BRD7: variants seen among roughly 807,000 people sequenced by gnomAD.
The protein encoded by BRD7 is bromodomain-containing protein 7.
A neutral mutation model predicts 82.1 loss-of-function variants in BRD7; 15 were observed. The ratio of observed to expected loss-of-function variants is 0.18; its 90% CI spans 0.12 to 0.28. BRD7 has a LOEUF of 0.28. BRD7 is among the 10% of genes least tolerant of loss of function. The pLI, the probability that BRD7 is intolerant of heterozygous loss-of-function variation, is 1.00. For synonymous variants in BRD7, 232 were observed against 266.9 expected (o/e 0.87, Z 1.27); for missense variants, 638 against 779.9 (o/e 0.82, Z 2.17).
chr16:50,339,278 G>A (rs184417781), intron 6 of BRD7, among the ~76,000 whole-genome samples: 31 of 152,286 alleles, frequency 2.0e-4, no homozygotes, highest in African/African-American at 6.3e-4. Flanking sequence ...GAAGGGACGC[G>A]TTCTGAGAAA....
intron 5 of BRD7, among the ~76,000 whole-genome samples, chr16:50,344,154 G>A (rs1472389302): frequency 6.6e-6 from 1 of 151,972 alleles, no homozygotes; most frequent in Non-Finnish European, 1.5e-5. Context: ...ACAGGGTCTG[G>A]AGTAGACCCC....
chr16:50,346,049 C>G (rs1275306493), intron 5 of BRD7, among the ~76,000 whole-genome samples: 1 of 152,146 alleles, frequency 6.6e-6, no homozygotes, highest in Non-Finnish European at 1.5e-5. Context: ...TGTAAAAGAA[C>G]AGAAATTATA....
At chr16:50,350,406 G>C (rs1401834491) in intron 4 of BRD7, among the ~76,000 whole-genome samples, 1 of 152,120 alleles carries the variant, frequency 6.6e-6, no homozygotes, top group Non-Finnish European at 1.5e-5. Flanking sequence ...AAAATACACA[G>C]CCTCATTAAC....
At chr16:50,319,613 A>G (rs1483273554) in intron 16 of BRD7, among the ~76,000 whole-genome samples, 1 of 152,254 alleles carries the variant, frequency 6.6e-6, no homozygotes, top group Non-Finnish European at 1.5e-5. Flanking sequence ...CCAATTAAAA[A>G]AATACAACAA....
At chr16:50,356,723 A>AT (rs58356144) in intron 2 of BRD7, among the ~76,000 whole-genome samples, 30,012 of 143,630 alleles carry the variant, frequency 0.21, 3,255 homozygotes, top group African/African-American at 0.31. Flanking sequence ...GGAAAAAAAA[A>AT]ATATATATAT....
intron 11 of BRD7, 101 bp from the exon 12 acceptor site, chr16:50,323,799 C>T: frequency 2.6e-6 from 2 of 761,158 alleles, no homozygotes; most frequent in Non-Finnish European, 2.2e-6. Flanking sequence ...GGTTATACAT[C>T]ATGACATCAA....
intron 7 of BRD7, among the ~76,000 whole-genome samples, chr16:50,334,168 G>A (rs2037691764): frequency 6.6e-6 from 1 of 152,202 alleles, no homozygotes; most frequent in Non-Finnish European, 1.5e-5. Context: ...TGAGGTGCTG[G>A]GCGGTCAGGG....
intron 5 of BRD7, among the ~76,000 whole-genome samples, chr16:50,342,874 G>A (rs187682250): frequency 1.8e-4 from 27 of 152,150 alleles, no homozygotes; most frequent in Admixed American, 5.2e-4. Flanking sequence ...AGTTTGTGGC[G>A]GTTGAATACA....
rs766963212 is a variant in BRD7 at position 50,320,782 on chromosome 16, A to T, written c.1501-8T>A. 2.5e-6 allele frequency: 4 copies of T among 1,603,630 alleles called. No individual in the cohort carries two copies. The highest frequency in any genetic ancestry group is 3.4e-6 in the Non-Finnish European group (4 of 1,170,588). ...TGGCTCTACTTCTGTAATCTGCTTC[A>T]AAAGGAAAAACAGGCAATTACTGGC... On this transcript the variant is annotated splice_region_variant and splice_polypyrimidine_tract_variant and intron_variant, in intron 13 of 16. Coordinates refer to ENST00000394688, the MANE Select transcript of BRD7 (RefSeq NM_013263.5).
intron 1 of BRD7, 140 bp downstream of exon 1, chr16:50,368,586 C>T: frequency 2.2e-6 from 2 of 918,662 alleles, no homozygotes; most frequent in South Asian, 2.4e-5. Context: ...GCGCGGCCTC[C>T]GGCAGGACGC....
rs1260760603 is a variant in BRD7, at chr16:50,320,266, A to G, written c.1738T>C (p.Tyr580His). Residue 580 changes from tyrosine (Y) to histidine (H), a missense_variant, in exon 15 of 17, where the codon TAC becomes CAC. This residue lies in a region of BRD7 where 402 missense variants were observed against 500.8 expected (regional missense o/e 0.80). Coordinates refer to ENST00000394688, the MANE Select transcript of BRD7 (RefSeq NM_013263.5). The part of the protein sequence containing the change: ...PNMICLLGPS[Y>H]REMHLAEQVT... ...AACATACCAAGATGCATTTCTCTGT[A>G]TGAGGGACCCAAGAGACAGATCATG... The G allele has an allele frequency of 1.9e-6, 3 of 1,613,180 alleles. No homozygotes were observed. Among genetic ancestry groups the G allele is most frequent in the Non-Finnish European group, 2.5e-6 (3 of 1,179,802 alleles).
chr16:50,333,662 C>T lies in BRD7; in HGVS notation c.923G>A (p.Ser308Asn), dbSNP rs773910514. Residue 308 changes from serine (S) to asparagine (N), a missense_variant, in exon 8 of 17, where the codon AGC (serine) becomes AAC (asparagine). Physicochemically the swap from Ser to Asn is conservative, Grantham distance 46. Around this residue, in one of 3 missense-constraint regions of BRD7, gnomAD observed 402 missense variants for 500.8 expected, o/e 0.80. Transcript: ENST00000394688. ...CTCCTGCTCTCTCTCTAAATTATTG[C>T]TTTTAAACTTATCTTCAAGCATATC... ...DKDMLEDKFK[S>N]NNLEREQEQL... 3.1e-6 allele frequency: 5 copies of T among 1,603,472 alleles called. No homozygotes were observed. In the South Asian group the frequency reaches 4.4e-5, roughly 14 times the overall value.
At chr16:50,331,608 A>T (rs889105385) in intron 8 of BRD7, among the ~76,000 whole-genome samples, 6 of 152,232 alleles carry the variant, frequency 3.9e-5, no homozygotes, top group Non-Finnish European at 8.8e-5. Context: ...AGGCTGAGGC[A>T]GGAGAATTGC....
intron 4 of BRD7, among the ~76,000 whole-genome samples, chr16:50,351,400 C>A (rs1322309882): frequency 6.6e-6 from 1 of 152,200 alleles, no homozygotes; most frequent in East Asian, 1.9e-4. Context: ...AGTCAGGACC[C>A]ATACATCAAA....
At chr16:50,362,922 T>C (rs2038986441) in intron 2 of BRD7, among the ~76,000 whole-genome samples, 2 of 152,232 alleles carry the variant, frequency 1.3e-5, no homozygotes, top group African/African-American at 4.8e-5. Flanking sequence ...ATGCTATGTG[T>C]ATTGTACCAC....
intron 4 of BRD7, among the ~76,000 whole-genome samples, chr16:50,352,501 A>T (rs897569084): frequency 6.6e-5 from 10 of 152,212 alleles, no homozygotes; most frequent in Non-Finnish European, 1.3e-4. Context: ...CACTGCAATT[A>T]ACACAAGAGT....
chr16:50,325,663 C>T (rs765211541), intron 11 of BRD7, 85 bp downstream of exon 11: 2 of 1,300,092 alleles, frequency 1.5e-6, no homozygotes, highest in Non-Finnish European at 2.1e-6. Context: ...TACTACTCGG[C>T]CAGCTTTGTC....
intron 16 of BRD7, 56 bp downstream of exon 16, chr16:50,319,831 G>C (rs2037006487): frequency 1.3e-6 from 2 of 1,566,826 alleles, no homozygotes; most frequent in Admixed American, 1.9e-5. Context: ...CAGACACTGA[G>C]GGATGACTAT....
At chr16:50,355,441 A>C (rs2151197000) in intron 2 of BRD7, among the ~76,000 whole-genome samples, 1 of 152,372 alleles carries the variant, frequency 6.6e-6, no homozygotes, top group Non-Finnish European at 1.5e-5. Context: ...GGTCAGAGTA[A>C]GATGATACGT....
Sources: gnomAD v4.1 joint callset for allele counts (sites outside exome capture counted in the v4.1 genomes callset) on GRCh38, gnomAD v4.1.1 for gene constraint, gnomAD v4.1.1 regional missense constraint, MANE v1.5 for transcripts, NCBI Gene and HGNC (gene_info 2026-07-23, HGNC 2026-07-21) for gene names.